The following BNC2 variants were observed in gnomAD, a reference collection of about 807,000 sequenced individuals.
The protein encoded by BNC2 is zinc finger protein basonuclin-2.
BNC2 carries 20 observed loss-of-function variants against 76.3 expected under a neutral mutation model. The observed-to-expected ratio is 0.26, with a 90% CI of 0.18 to 0.38. The LOEUF (loss-of-function observed/expected upper bound fraction) is 0.38. Among genes scored for constraint, BNC2 ranks in the 10% least tolerant of loss-of-function variants. The pLI, the probability that BNC2 is intolerant of heterozygous loss-of-function variation, is 1.00. For synonymous variants in BNC2, 582 were observed against 514.8 expected (o/e 1.13, Z -1.77); for missense variants, 1,382 against 1,399.8 (o/e 0.99, Z 0.20).
intron 1 of BNC2, among the ~76,000 whole-genome samples, chr9:16,862,894 T>C (rs1214621523): frequency 7.1e-6 from 1 of 140,152 alleles, no homozygotes; most frequent in African/African-American, 2.7e-5. Flanking sequence ...GATTCATCTA[T>C]ATATAGCTAT....
intron 3 of BNC2, among the ~76,000 whole-genome samples, chr9:16,629,453 G>C (rs1033914809): frequency 6.6e-6 from 1 of 152,178 alleles, no homozygotes; most frequent in African/African-American, 2.4e-5. Context: ...TAATGTTTGT[G>C]TGTTTGGGGG....
chr9:16,846,068 A>G (rs1265818368), intron 1 of BNC2, among the ~76,000 whole-genome samples: 1 of 151,728 alleles, frequency 6.6e-6, no homozygotes, highest in Non-Finnish European at 1.5e-5. Context: ...TGAACCCAGG[A>G]GACGGAGCTT....
intron 5 of BNC2, among the ~76,000 whole-genome samples, chr9:16,495,312 C>T (rs933006922): frequency 6.6e-6 from 1 of 152,156 alleles, no homozygotes; most frequent in African/African-American, 2.4e-5. Flanking sequence ...TTAAATTCGA[C>T]ATAAAATGAA....
rs72706011 is a variant in BNC2, at chr9:16,702,758, G to A, written c.330+25039C>T. On this transcript the variant is annotated intron_variant, in intron 3 of 6. Transcript: ENST00000380672. ...TTTATTAAGTATCTACTATGTACTG[G>A]AACTTCAAGTGTGTTGTCTCATTTC... Among the ~76,000 whole-genome samples the A allele has an allele frequency of 6.0e-3, 919 of 152,242 alleles. 8 individuals are homozygous for A. Among genetic ancestry groups the A allele is most frequent in the Non-Finnish European group, 0.011 (719 of 68,016 alleles).
intron 3 of BNC2, among the ~76,000 whole-genome samples, chr9:16,599,872 T>G (rs575000838): frequency 6.6e-5 from 10 of 152,354 alleles, no homozygotes; most frequent in African/African-American, 2.4e-4. Context: ...GCCCATGTGT[T>G]GTGGTGCTTC....
intron 5 of BNC2, among the ~76,000 whole-genome samples, chr9:16,455,040 G>C (rs562376824): frequency 6.6e-6 from 1 of 152,156 alleles, no homozygotes; most frequent in Non-Finnish European, 1.5e-5. Context: ...AGAAATGCAG[G>C]GACTAGAGAC....
chr9:16,657,821 C>A (rs1266858835), intron 3 of BNC2, among the ~76,000 whole-genome samples: 1 of 152,120 alleles, frequency 6.6e-6, no homozygotes, highest in Non-Finnish European at 1.5e-5. Context: ...ATATATCATA[C>A]TATGATGTCA....
rs78082386 is a variant in BNC2, at chr9:16,461,901, T to C, written c.670-24377A>G. ...TTCTCATGTGCATGCAGTTCACAAA[T>C]GCTGGTAGTGTTCTCTTTAGTATGA... On this transcript the variant is annotated intron_variant, in intron 5 of 6. Transcript: ENST00000380672. 7.0e-3 allele frequency among the ~76,000 whole-genome samples: 1,063 copies of C among 152,304 alleles called. 13 individuals carry two copies. The highest frequency in any genetic ancestry group is 0.023 in the African/African-American group (954 of 41,562).
chr9:16,501,137 C>A (rs556429772), intron 5 of BNC2, among the ~76,000 whole-genome samples: 1 of 152,226 alleles, frequency 6.6e-6, no homozygotes, highest in South Asian at 2.1e-4. Context: ...GGTGTGGTAA[C>A]AAAATGAGCA....
chr9:16,812,334 C>T (rs1043199016), intron 1 of BNC2, among the ~76,000 whole-genome samples: 7 of 152,226 alleles, frequency 4.6e-5, no homozygotes, highest in African/African-American at 1.4e-4. Context: ...GCAGTCCCAT[C>T]TGCCTATGTT....
intron 3 of BNC2, among the ~76,000 whole-genome samples, chr9:16,720,502 G>A (rs540525140): frequency 2.0e-5 from 3 of 152,208 alleles, no homozygotes; most frequent in African/African-American, 4.8e-5. Context: ...AGACAGTAGC[G>A]AAATAACATT....
chr9:16,606,211 G>A lies in BNC2; in HGVS notation c.331-23126C>T, dbSNP rs187656806. 1.9e-3 allele frequency among the ~76,000 whole-genome samples: 291 copies of A among 152,106 alleles called. 8 individuals carry two copies. Among genetic ancestry groups the A allele is most frequent in the Non-Finnish European group, 1.3e-4 (9 of 67,998 alleles). On this transcript the variant is annotated intron_variant, in intron 3 of 6. Coordinates refer to ENST00000380672, the MANE Select transcript of BNC2 (RefSeq NM_017637.6). Reference sequence around the variant, plus strand: ...TAGAACAATGACTTAATTCAAACATGTATAAAAGACAAAAACTTGAGAGAA... The same window carrying A: ...TAGAACAATGACTTAATTCAAACATATATAAAAGACAAAAACTTGAGAGAA...
intron 1 of BNC2, among the ~76,000 whole-genome samples, chr9:16,807,180 T>C (rs921230009): frequency 5.3e-5 from 8 of 152,204 alleles, no homozygotes; most frequent in African/African-American, 1.9e-4. Context: ...CCTGACAACT[T>C]ACCATTCTGG....
At chr9:16,842,837 T>C (rs372008524) in intron 1 of BNC2, among the ~76,000 whole-genome samples, 1 of 152,172 alleles carries the variant, frequency 6.6e-6, no homozygotes, top group African/African-American at 2.4e-5. Flanking sequence ...CTGCAATCTC[T>C]GTCTCTTGGG....
At chr9:16,570,853 C>A (rs990241560) in intron 4 of BNC2, among the ~76,000 whole-genome samples, 2 of 152,004 alleles carry the variant, frequency 1.3e-5, no homozygotes, top group Non-Finnish European at 2.9e-5. Context: ...TTTAATGGAG[C>A]GCAAACTTTC....
intron 3 of BNC2, among the ~76,000 whole-genome samples, chr9:16,701,366 G>C (rs1207493277): frequency 6.6e-6 from 1 of 152,174 alleles, no homozygotes; most frequent in African/African-American, 2.4e-5. Context: ...GATTACACAT[G>C]TTAGGCCTTG....
intron 3 of BNC2, among the ~76,000 whole-genome samples, chr9:16,687,531 C>G (rs1390964767): frequency 1.3e-5 from 2 of 152,236 alleles, no homozygotes; most frequent in East Asian, 3.9e-4. Context: ...AACAGTAATT[C>G]TCCCCAGGGA....
intron 5 of BNC2, among the ~76,000 whole-genome samples, chr9:16,460,004 C>G (rs1400722127): frequency 1.3e-5 from 2 of 152,132 alleles, no homozygotes; most frequent in African/African-American, 4.8e-5. Flanking sequence ...AGACTGTTGT[C>G]AGGTAATTTT....
At chr9:16,518,584 TG>T (rs200801543) in intron 5 of BNC2, among the ~76,000 whole-genome samples, 6,887 of 138,402 alleles carry the variant, frequency 0.05, 485 homozygotes, top group African/African-American at 0.17. Flanking sequence ...ATATATTTTT[TG>T]TTGTTGTTGT....
Sources: gnomAD v4.1 joint callset for allele counts (sites outside exome capture counted in the v4.1 genomes callset) on GRCh38, gnomAD v4.1.1 for gene constraint, MANE v1.5 for transcripts, NCBI Gene and HGNC (gene_info 2026-07-23, HGNC 2026-07-21) for gene names.